The following PSG7 variants were observed in gnomAD, a reference collection of about 807,000 sequenced individuals.
PSG7 encodes the protein pregnancy-specific beta-1-glycoprotein 7.
In PSG7, 57 loss-of-function variants were observed where a neutral mutation model predicts 45.6. The ratio of observed to expected loss-of-function variants is 1.25; its 90% CI spans 1.01 to 1.56. The LOEUF is 1.56. Among genes scored for constraint, PSG7 ranks in the 40% most tolerant of loss-of-function variants. The pLI is 0.00. For missense variants in PSG7, 796 were observed against 508.4 expected (o/e 1.57, Z -5.44); for synonymous variants, 298 against 194.4 (o/e 1.53, Z -4.43).
At chr19:42,933,301 A>ATTTTT (rs1439847468) in intron 2 of PSG7, among the ~76,000 whole-genome samples, 27 of 14,640 alleles carry the variant, frequency 1.8e-3, no homozygotes, top group East Asian at 7.6e-3. Flanking sequence ...ATATATATAT[A>ATTTTT]TATATATTTT....
intron 2 of PSG7, among the ~76,000 whole-genome samples, chr19:42,930,103 T>G (rs1216048543): frequency 1.3e-5 from 2 of 151,654 alleles, no homozygotes; most frequent in Non-Finnish European, 2.9e-5. Flanking sequence ...AATCTTACTT[T>G]GCCCCCTGTG....
In PSG7 at chr19:42,931,381, G is replaced by A. The variant is rs969149070; in HGVS notation, c.431-1661C>T. On this transcript the variant is annotated intron_variant, in intron 2 of 5. Coordinates refer to ENST00000406070, the MANE Select transcript of PSG7 (RefSeq NM_002783.3). The stretch of plus-strand genomic sequence containing the variant: ...CAGCTCCTTAAGTAGAGAGAGTCCC[G>A]TTAAAAGGACAGAACTGGTCAGTGC... 2.0e-4 allele frequency among the ~76,000 whole-genome samples: 31 copies of A among 151,578 alleles called. No individual in the cohort carries two copies. The East Asian group carries it at 3.1e-3, about 15-fold the overall frequency.
At chr19:42,934,832 C>G (rs1403230586) in intron 2 of PSG7, among the ~76,000 whole-genome samples, 1 of 151,702 alleles carries the variant, frequency 6.6e-6, no homozygotes, top group African/African-American at 2.4e-5. Flanking sequence ...GAAGAAAGCT[C>G]TGTCCTTGCC....
At chr19:42,931,188 C>T (rs1431224917) in intron 2 of PSG7, among the ~76,000 whole-genome samples, 1 of 151,550 alleles carries the variant, frequency 6.6e-6, no homozygotes, top group African/African-American at 2.4e-5. Context: ...TTGGAGGAAA[C>T]ATTAAAATGT....
Position 42,924,502 on chromosome 19 carries a change from CA to C in PSG7, c.*305del. The C allele has an allele frequency of 1.8e-6, 1 of 561,606 alleles. No individual in the cohort carries two copies. Among genetic ancestry groups the C allele is most frequent in the Non-Finnish European group, 3.1e-6 (1 of 319,044 alleles). 34.8% of individuals were successfully genotyped at this position (561,606 alleles called of 1,614,324 possible). A position where few individuals can be genotyped will look rare whatever the true frequency, so the allele number is the denominator to read the frequency against. On this transcript the variant is annotated 3_prime_UTR_variant, in exon 6 of 6. Coordinates refer to ENST00000406070, the MANE Select transcript of PSG7 (RefSeq NM_002783.3). ...TCCTGCCAAGTGAAAGAGGCAGGCA[CA>C]AGCAAGGACAGCTAAGAGGGGTGAG... is the stretch of plus-strand genomic sequence containing the variant.
Position 42,935,355 on chromosome 19 carries a change from G to A in PSG7, c.430+49C>T. ...CTGACAATTCTGTGTGTGTGAAGTA[G>A]AAATGACCCCTGCCCCCCAACACCC... On this transcript the variant is annotated intron_variant, in intron 2 of 5. Transcript: ENST00000406070. 2 of 1,605,964 alleles carry A rather than the reference G, an allele frequency of 1.2e-6. 1 individual carries two copies. Among genetic ancestry groups the A allele is most frequent in the Non-Finnish European group, 1.7e-6 (2 of 1,174,926 alleles).
intron 2 of PSG7, among the ~76,000 whole-genome samples, 174 bp from the exon 3 acceptor site, chr19:42,929,894 G>C (rs1047241663): frequency 1.3e-5 from 2 of 151,566 alleles, no homozygotes; most frequent in African/African-American, 4.9e-5. Context: ...CTCAGAGATT[G>C]TGAGGCTGCC....
At chr19:42,931,656 CGAA>C (rs1973022533) in intron 2 of PSG7, among the ~76,000 whole-genome samples, 1 of 151,244 alleles carries the variant, frequency 6.6e-6, no homozygotes, top group African/African-American at 2.4e-5. Flanking sequence ...TCTCCCCACA[CGAA>C]GAACTCCAAC....
rs372704518 is a variant in PSG7, at chr19:42,930,251, AC to A, written c.431-532del. ...CTTCAGCAGAAATAACACAGGGGAG[AC>A]CAGAGTCAAGCCTGGAGGTCAGTTC... On this transcript the variant is annotated intron_variant, in intron 2 of 5. Coordinates refer to ENST00000406070, the MANE Select transcript of PSG7 (RefSeq NM_002783.3). 1.4e-4 allele frequency among the ~76,000 whole-genome samples: 21 copies of A among 151,670 alleles called. 1 individual carries two copies. The East Asian group carries it at 2.1e-3, about 15-fold the overall frequency.
rs1449160234 is a variant in PSG7 at position 42,933,299 on chromosome 19, ATATATATAT to A, written c.430+2096_430+2104del. ...TATATATATATATATATATATATAT[ATATATATAT>A]TTTTTTTTTTTTTTGGTGTATGTAT... On this transcript the variant is annotated intron_variant, in intron 2 of 5. Transcript: ENST00000406070. Among the ~76,000 whole-genome samples, 125 of 14,624 alleles carry A rather than the reference ATATATATAT, an allele frequency of 8.5e-3. 1 individual carries two copies. Among genetic ancestry groups the A allele is most frequent in the Non-Finnish European group, 0.017 (114 of 6,596 alleles). The allele number at this position is 14,624 out of a possible 152,430, so 9.6% of individuals were successfully genotyped here.
At position 42,929,352 on chromosome 19, in the gene PSG7, C is replaced by G. The variant is rs1220418005; in HGVS notation, c.709+90G>C. The G allele has an allele frequency of 1.9e-6, 3 of 1,606,184 alleles. 1 individual carries two copies. In the South Asian group the frequency reaches 3.3e-5, roughly 18 times the overall value. On this transcript the variant is annotated intron_variant, in intron 3 of 5. Coordinates refer to ENST00000406070, the MANE Select transcript of PSG7 (RefSeq NM_002783.3). ...ATGTCCAGGGGTAAAGGTCTACATA[C>G]TTGGACCTGAGAGGGACTGAGAAGC...
chr19:42,936,018 C>T (rs1454423288), intron 1 of PSG7: 2 of 710,722 alleles, frequency 2.8e-6, no homozygotes, highest in East Asian at 3.3e-5. Flanking sequence ...TTCAACACTC[C>T]TGACTTTGGC....
intron 2 of PSG7, among the ~76,000 whole-genome samples, chr19:42,931,890 T>A (rs28633828): frequency 0.022 from 3,172 of 145,480 alleles, 163 homozygotes; most frequent in African/African-American, 0.078. Context: ...TGTTCCACTT[T>A]TTTTCCCCCA....
chr19:42,933,911 T>A (rs1385043255), intron 2 of PSG7, among the ~76,000 whole-genome samples: 1 of 151,278 alleles, frequency 6.6e-6, no homozygotes. Flanking sequence ...TGATGAAACA[T>A]GGGTGTCAGC....
At chr19:42,927,128 C>G (rs1432192268) in intron 3 of PSG7, 9 of 240,998 alleles carry the variant, frequency 3.7e-5, no homozygotes, top group Non-Finnish European at 5.6e-5. Context: ...TTCTCTGCAA[C>G]TTCCATTTCC....
At chr19:42,925,303 C>T in intron 5 of PSG7, 1 of 337,828 alleles carries the variant, frequency 3.0e-6, no homozygotes, top group Non-Finnish European at 5.4e-6. Context: ...TCTGTATTAC[C>T]ATAAACATAT....
Position 42,937,008 on chromosome 19 carries a change from C to T in PSG7, c.64+5G>A, listed in dbSNP as rs1372047695. ...CTGTCCTCTCCCAGGAAGTTCTCTC[C>T]TCACCTGTGAGCAGGAGCCCTTTCC... is the stretch of plus-strand genomic sequence containing the variant. On this transcript the variant is annotated splice_donor_5th_base_variant and intron_variant, in intron 1 of 5. Transcript: ENST00000406070. 1.2e-6 allele frequency: 2 copies of T among 1,611,168 alleles called. No individual in the cohort carries two copies. Among genetic ancestry groups the T allele is most frequent in the East Asian group, 2.2e-5 (1 of 44,760 alleles).
At chr19:42,930,557 G>T (rs565384916) in intron 2 of PSG7, among the ~76,000 whole-genome samples, 1 of 151,874 alleles carries the variant, frequency 6.6e-6, no homozygotes, top group East Asian at 1.9e-4. Flanking sequence ...GGTGGAAAGG[G>T]TGAACATGAA....
At chr19:42,933,275 A>C (rs1328851821) in intron 2 of PSG7, among the ~76,000 whole-genome samples, 1 of 4,732 alleles carries the variant, frequency 2.1e-4, no homozygotes, top group Non-Finnish European at 5.5e-4. Context: ...CAATATATAT[A>C]TATATATATA....
Sources: allele counts gnomAD v4.1 joint callset (sites outside exome capture counted in the v4.1 genomes callset), GRCh38; gene constraint gnomAD v4.1.1; transcripts MANE v1.5; gene names NCBI Gene and HGNC (gene_info 2026-07-23, HGNC 2026-07-21).